The following KCNB2 variants were observed in gnomAD, a reference collection of about 807,000 sequenced individuals.
The protein encoded by KCNB2 is potassium voltage-gated channel subfamily B member 2, also known as delayed rectifier potassium channel protein.
KCNB2 carries 15 observed loss-of-function variants against 61.5 expected under a neutral mutation model. The ratio of observed to expected loss-of-function variants is 0.24; its 90% confidence interval spans 0.16 to 0.38. The LOEUF (loss-of-function observed/expected upper bound fraction) is 0.38, where lower values mean the gene tolerates loss of function less well. KCNB2 is among the 10% of genes least tolerant of loss of function. KCNB2 has a pLI of 1.00. For synonymous variants in KCNB2, 457 were observed against 446.0 expected, an observed-to-expected ratio of 1.02 and a Z score of -0.31; for missense variants, 828 against 1,125.2, an observed-to-expected ratio of 0.74 and a Z score of 3.78.
chr8:72,933,038 A>C (rs1247192947), intron 2 of KCNB2, among the ~76,000 whole-genome samples: 1 of 152,198 alleles, frequency 6.6e-6, no homozygotes, highest in African/African-American at 2.4e-5. Context: ...TCAACATGAG[A>C]AAGATAATAA....
intron 2 of KCNB2, among the ~76,000 whole-genome samples, chr8:72,892,814 A>G (rs576906479): frequency 6.6e-6 from 1 of 152,222 alleles, no homozygotes; most frequent in Admixed American, 6.5e-5. Context: ...CCACCATCCT[A>G]TAGCTCTGGA....
At chr8:72,545,323 C>A (rs1031677189) in intron 1 of KCNB2, among the ~76,000 whole-genome samples, 3 of 152,262 alleles carry the variant, frequency 2.0e-5, no homozygotes, top group Non-Finnish European at 4.4e-5. Flanking sequence ...GCGATTTTCA[C>A]AAATTGAAGG....
At chr8:72,560,404 G>A (rs1160129936) in intron 1 of KCNB2, among the ~76,000 whole-genome samples, 1 of 152,164 alleles carries the variant, frequency 6.6e-6, no homozygotes, top group African/African-American at 2.4e-5. Flanking sequence ...CATTCACGTG[G>A]AATCAGGTAG....
chr8:72,643,962 A>T (rs894746325), intron 2 of KCNB2, among the ~76,000 whole-genome samples: 1 of 152,170 alleles, frequency 6.6e-6, no homozygotes, highest in Non-Finnish European at 1.5e-5. Context: ...GGCAAATCAA[A>T]GGAAATAACT....
intron 2 of KCNB2, among the ~76,000 whole-genome samples, chr8:72,619,648 C>T (rs1805684121): frequency 1.3e-5 from 2 of 151,800 alleles, no homozygotes; most frequent in Admixed American, 1.3e-4. Context: ...CCTGCAAGCC[C>T]CTTATTTACT....
rs759476475 is a variant in KCNB2, at chr8:72,537,622, C to T, written c.-357C>T. On this transcript the variant is annotated 5_prime_UTR_variant, in exon 1 of 3. Transcript: ENST00000523207. ...GTTCTTTTAAAGGATGCCTTAGCTT[C>T]CTCCCGCCGCCTTTCCTCTGAGCCT... is the stretch of plus-strand genomic sequence containing the variant. 6.6e-6 allele frequency: 1 copy of T among 152,400 alleles called. No individual in the cohort carries two copies. Among genetic ancestry groups the T allele is most frequent in the Admixed American group, 6.5e-5 (1 of 15,286 alleles). 9.4% of individuals were successfully genotyped at this position (152,400 alleles called of 1,614,324 possible).
At position 72,936,915 on chromosome 8, in the gene KCNB2, C is replaced by A. The variant is rs771249973; in HGVS notation, c.1560C>A (p.Ser520=). 1 of 1,614,090 alleles carries A rather than the reference C, an allele frequency of 6.2e-7. No homozygotes were observed. Among genetic ancestry groups the A allele is most frequent in the Non-Finnish European group, 8.5e-7 (1 of 1,180,020 alleles). ...NKYQEVSQKD[S]HEQLNNTSSS... is the part of the protein sequence containing the mutation. ...ACCAGGAGGTTAGCCAAAAAGACTC[C>A]CACGAGCAGCTGAACAACACGTCTT... Residue 520 remains serine, a synonymous_variant, in exon 3 of 3, where the codon TCC becomes TCA. Coordinates refer to ENST00000523207, the MANE Select transcript of KCNB2 (RefSeq NM_004770.3). The surrounding 1 kb of genome is among the most constrained non-coding windows in gnomAD (Gnocchi z 5.6).
At chr8:72,553,672 A>C (rs1483578923) in intron 1 of KCNB2, among the ~76,000 whole-genome samples, 1 of 152,094 alleles carries the variant, frequency 6.6e-6, no homozygotes, top group East Asian at 1.9e-4. Context: ...CTTAGAAGCT[A>C]TTAAGAAGCT....
intron 2 of KCNB2, among the ~76,000 whole-genome samples, chr8:72,806,109 T>A (rs1585904129): frequency 6.6e-6 from 1 of 151,990 alleles, no homozygotes; most frequent in Non-Finnish European, 1.5e-5. Flanking sequence ...CCTGTAATCC[T>A]AGCACTTTGG....
chr8:72,859,822 C>T (rs1293768058), intron 2 of KCNB2, among the ~76,000 whole-genome samples: 2 of 143,116 alleles, frequency 1.4e-5, no homozygotes, highest in East Asian at 2.1e-4. Context: ...TGGGTTCAAG[C>T]GATTCTCCTG....
At chr8:72,631,598 C>G (rs1458193061) in intron 2 of KCNB2, among the ~76,000 whole-genome samples, 1 of 152,182 alleles carries the variant, frequency 6.6e-6, no homozygotes, top group Non-Finnish European at 1.5e-5. Flanking sequence ...AGGTCACATT[C>G]TCAGGTACAG....
intron 2 of KCNB2, among the ~76,000 whole-genome samples, chr8:72,926,900 A>T (rs1218274273): frequency 6.6e-6 from 1 of 152,206 alleles, no homozygotes; most frequent in Non-Finnish European, 1.5e-5. Context: ...ATCTTTGTGA[A>T]ATGCAAATCT....
intron 2 of KCNB2, among the ~76,000 whole-genome samples, chr8:72,685,695 A>T (rs942158090): frequency 6.6e-6 from 1 of 152,204 alleles, no homozygotes; most frequent in African/African-American, 2.4e-5. Context: ...GAATGCCAGT[A>T]TAAGAAGGTC....
intron 2 of KCNB2, among the ~76,000 whole-genome samples, chr8:72,819,978 C>T (rs1171566878): frequency 6.6e-6 from 1 of 152,098 alleles, no homozygotes; most frequent in African/African-American, 2.4e-5. Flanking sequence ...TCCTGGCTCC[C>T]AAAGCACGGG....
intron 2 of KCNB2, among the ~76,000 whole-genome samples, chr8:72,917,862 T>C (rs573896169): frequency 2.2e-4 from 33 of 152,168 alleles, no homozygotes; most frequent in Non-Finnish European, 4.7e-4. Flanking sequence ...CATAGTGATA[T>C]CAGGTTGGTA....
intron 2 of KCNB2, among the ~76,000 whole-genome samples, chr8:72,837,169 C>G (rs181602310): frequency 6.6e-6 from 1 of 152,318 alleles, no homozygotes; most frequent in East Asian, 1.9e-4. Flanking sequence ...GGGATACTGT[C>G]TAGTGTTCTC....
chr8:72,588,187 T>C (rs1807030105), intron 2 of KCNB2, among the ~76,000 whole-genome samples: 1 of 151,674 alleles, frequency 6.6e-6, no homozygotes, highest in African/African-American at 2.4e-5. Flanking sequence ...TCTTCCAGTC[T>C]GAGGATTCTG....
At chr8:72,582,883 A>G (rs1045313524) in intron 2 of KCNB2, among the ~76,000 whole-genome samples, 9 of 152,124 alleles carry the variant, frequency 5.9e-5, no homozygotes, top group Non-Finnish European at 1.3e-4. Context: ...GCTTCCCAAA[A>G]TGCTGGGATT....
At chr8:72,666,508 AAAG>A (rs1204208532) in intron 2 of KCNB2, among the ~76,000 whole-genome samples, 3 of 152,218 alleles carry the variant, frequency 2.0e-5, no homozygotes, top group Non-Finnish European at 2.9e-5. Flanking sequence ...TTGATTTTGT[AAAG>A]AAGAATATCA....
Sources: allele counts gnomAD v4.1 joint callset (sites outside exome capture counted in the v4.1 genomes callset), GRCh38; gene constraint gnomAD v4.1.1; non-coding constraint Gnocchi (gnomAD v3.1); transcripts MANE v1.5; gene names NCBI Gene and HGNC (gene_info 2026-07-23, HGNC 2026-07-21).